Variants in SAMD3 observed in about 807,000 individuals in gnomAD.
SAMD3 encodes sterile alpha motif domain-containing protein 3.
SAMD3 carries 63 observed loss-of-function variants against 58.5 expected under a neutral mutation model. The observed-to-expected ratio is 1.08, with a 90% CI of 0.88 to 1.33. The LOEUF is 1.33. Among genes scored for constraint, SAMD3 ranks in the 40% most tolerant of loss-of-function variants. SAMD3 has a pLI of 0.00. For missense variants in SAMD3, 604 were observed against 608.4 expected, an observed-to-expected ratio of 0.99 and a Z score of 0.08; for synonymous variants, 220 against 210.3, an observed-to-expected ratio of 1.05 and a Z score of -0.40.
chr6:130,293,455 G>C (rs1003757597), intron 2 of SAMD3, among the ~76,000 whole-genome samples: 1 of 151,994 alleles, frequency 6.6e-6, no homozygotes, highest in African/African-American at 2.4e-5. Context: ...CTTTCCTTTA[G>C]ACAAAGATCG....
rs568294895 is a variant in SAMD3, at chr6:130,186,338, T to C, written c.384-1715A>G. ...CTTTATAAGAATGCACGAGCTATAA[T>C]GTGATATGGAGAATCAAGCACACAG... On this transcript the variant is annotated intron_variant, in intron 5 of 11. Coordinates refer to ENST00000439090, the MANE Select transcript of SAMD3 (RefSeq NM_001017373.4). 2.6e-5 allele frequency among the ~76,000 whole-genome samples: 4 copies of C among 152,308 alleles called. No individual in the cohort carries two copies. The South Asian group carries it at 8.3e-4, about 32-fold the overall frequency.
At chr6:130,275,352 C>A (rs537904225) in intron 2 of SAMD3, among the ~76,000 whole-genome samples, 46 of 152,090 alleles carry the variant, frequency 3.0e-4, no homozygotes, top group African/African-American at 1.1e-3. Context: ...AAAAAATAGT[C>A]GAAAGAGATT....
chr6:130,310,954 G>A (rs1159712722), intron 2 of SAMD3, among the ~76,000 whole-genome samples: 1 of 152,076 alleles, frequency 6.6e-6, no homozygotes. Flanking sequence ...TTTTTCGGGG[G>A]ATTAAGCAGG....
chr6:130,300,485 G>A (rs1384898142), intron 2 of SAMD3, among the ~76,000 whole-genome samples: 1 of 152,022 alleles, frequency 6.6e-6, no homozygotes, highest in East Asian at 1.9e-4. Context: ...AAAATAATAA[G>A]AGCCATTTAT....
At chr6:130,215,472 C>T in intron 2 of SAMD3, 178 bp from the exon 3 acceptor site, 1 of 1,334,878 alleles carries the variant, frequency 7.5e-7, no homozygotes, top group South Asian at 2.2e-5. Flanking sequence ...CACACACTCA[C>T]TTTAAAAATA....
chr6:130,281,308 T>G (rs1199156931), intron 2 of SAMD3, among the ~76,000 whole-genome samples: 2 of 152,208 alleles, frequency 1.3e-5, no homozygotes, highest in African/African-American at 4.8e-5. Context: ...AAAAGTCTCT[T>G]GCTTACTGAT....
intron 2 of SAMD3, among the ~76,000 whole-genome samples, chr6:130,302,430 G>C (rs1229677133): frequency 6.6e-6 from 1 of 152,150 alleles, no homozygotes; most frequent in African/African-American, 2.4e-5. Context: ...AAAAATAACA[G>C]ATATTGGCAA....
intron 2 of SAMD3, among the ~76,000 whole-genome samples, chr6:130,305,542 C>T (rs1009403488): frequency 6.6e-6 from 1 of 152,036 alleles, no homozygotes; most frequent in Non-Finnish European, 1.5e-5. Flanking sequence ...GCAATAAGGC[C>T]TTTGTAGATT....
intron 1 of SAMD3, among the ~76,000 whole-genome samples, chr6:130,314,966 GAATT>G (rs1455576292): frequency 4.6e-5 from 7 of 152,110 alleles, no homozygotes; most frequent in African/African-American, 1.7e-4. Context: ...CACTAAATAT[GAATT>G]AATATTTCCA....
At chr6:130,258,152 TTGTA>T (rs1359613334) in intron 2 of SAMD3, among the ~76,000 whole-genome samples, 8 of 152,322 alleles carry the variant, frequency 5.3e-5, no homozygotes, top group East Asian at 1.9e-4. Flanking sequence ...TTGAACATTC[TTGTA>T]TGTATCTTTT....
chr6:130,161,835 T>A (rs1790306621), intron 8 of SAMD3: 1 of 155,790 alleles, frequency 6.4e-6, no homozygotes, highest in Non-Finnish European at 1.4e-5. Flanking sequence ...ACAGTGCACG[T>A]TGAAATGAGG....
At chr6:130,311,461 C>G (rs753436665) in intron 2 of SAMD3, among the ~76,000 whole-genome samples, 4 of 152,028 alleles carry the variant, frequency 2.6e-5, no homozygotes, top group Non-Finnish European at 5.9e-5. Flanking sequence ...CCGAAGTTTT[C>G]TAAGAAAGTG....
At chr6:130,241,206 CTTTTTTTTTTT>C (rs57573903) in intron 2 of SAMD3, among the ~76,000 whole-genome samples, 1 of 109,262 alleles carries the variant, frequency 9.2e-6, no homozygotes, top group Admixed American at 1.0e-4. Context: ...CTTAAACCTC[CTTTTTTTTTTT>C]TTTTTTTTTT....
In SAMD3 at chr6:130,285,105, T is replaced by C. The variant is rs147338948; in HGVS notation, c.-188+27873A>G. Among the ~76,000 whole-genome samples the C allele has an allele frequency of 5.2e-3, 798 of 152,332 alleles. 6 individuals carry two copies. Among genetic ancestry groups the C allele is most frequent in the African/African-American group, 0.018 (769 of 41,580 alleles). On this transcript the variant is annotated intron_variant, in intron 2 of 13. Transcript: ENST00000368134. ...AATGGACTAGATCTCATGGATAAGA[T>C]GGATAATTCCATCTGATCATTCCAT...
chr6:130,252,827 G>T (rs1389600420), intron 2 of SAMD3, among the ~76,000 whole-genome samples: 1 of 152,128 alleles, frequency 6.6e-6, no homozygotes, highest in African/African-American at 2.4e-5. Context: ...GGGTTCTCTC[G>T]ATCCCTGGAA....
chr6:130,287,913 C>T (rs2114958679), intron 2 of SAMD3, among the ~76,000 whole-genome samples: 1 of 150,928 alleles, frequency 6.6e-6, no homozygotes, highest in Non-Finnish European at 1.5e-5. Context: ...CCACTGCACT[C>T]CAGCCTGGTG....
At chr6:130,352,334 A>C (rs955733682) in intron 1 of SAMD3, among the ~76,000 whole-genome samples, 5 of 152,304 alleles carry the variant, frequency 3.3e-5, no homozygotes, top group African/African-American at 1.2e-4. Context: ...AGCCCATTAA[A>C]ATTATTTCAG....
At chr6:130,360,456 C>T (rs757326159) in intron 1 of SAMD3, among the ~76,000 whole-genome samples, 5 of 152,128 alleles carry the variant, frequency 3.3e-5, no homozygotes, top group Non-Finnish European at 7.3e-5. Flanking sequence ...GTCCCACAAG[C>T]CACAAAACCA....
intron 5 of SAMD3, among the ~76,000 whole-genome samples, chr6:130,191,994 G>C (rs1562423513): frequency 6.6e-6 from 1 of 152,052 alleles, no homozygotes; most frequent in Non-Finnish European, 1.5e-5. Flanking sequence ...ATTCTTCTAG[G>C]TTTATCTCAA....
Sources: gnomAD v4.1 joint callset for allele counts (sites outside exome capture counted in the v4.1 genomes callset) on GRCh38, gnomAD v4.1.1 for gene constraint, MANE v1.5 for transcripts, NCBI Gene and HGNC (gene_info 2026-07-23, HGNC 2026-07-21) for gene names.